The following ITGB8 variants were observed in gnomAD, a reference collection of about 807,000 sequenced individuals.
The protein encoded by ITGB8 is integrin subunit beta 8.
ITGB8 carries 30 observed loss-of-function variants against 89.5 expected under a neutral mutation model. The observed-to-expected ratio is 0.34, with a 90% CI of 0.25 to 0.45. The LOEUF is 0.45. Among genes scored for constraint, ITGB8 ranks in the 20% least tolerant of loss-of-function variants. ITGB8 has a pLI of 1.00. For synonymous variants in ITGB8, 335 were observed against 320.4 expected (o/e 1.05, Z -0.49); for missense variants, 836 against 933.3 (o/e 0.90, Z 1.36).
At chr7:20,346,863 G>A (rs1784943276) in intron 1 of ITGB8, 1 of 985,078 alleles carries the variant, frequency 1.0e-6, no homozygotes, top group African/African-American at 1.7e-5. Context: ...GGAGTTAATG[G>A]CAGGTAGATT....
chr7:20,348,370 C>G (rs1349797078), intron 1 of ITGB8, among the ~76,000 whole-genome samples: 1 of 152,188 alleles, frequency 6.6e-6, no homozygotes, highest in Non-Finnish European at 1.5e-5. Context: ...GGATGCATCA[C>G]CCCATTTGTG....
chr7:20,343,641 C>T lies in ITGB8; in HGVS notation c.127+11708C>T, dbSNP rs11983067. Reference sequence around the variant, plus strand: ...TACAATCTCAAAATTCCTTAAGAAGCGGAGTTTTCTGCTCTCCACTCCCAG... The same window carrying T: ...TACAATCTCAAAATTCCTTAAGAAGTGGAGTTTTCTGCTCTCCACTCCCAG... On this transcript the variant is annotated intron_variant, in intron 1 of 13. Coordinates refer to ENST00000222573, the MANE Select transcript of ITGB8 (RefSeq NM_002214.3). Among the ~76,000 whole-genome samples the T allele has an allele frequency of 4.2e-3, 639 of 152,274 alleles. 5 individuals are homozygous for T. The highest frequency in any genetic ancestry group is 0.014 in the African/African-American group (602 of 41,556).
intron 3 of ITGB8, among the ~76,000 whole-genome samples, chr7:20,371,768 G>A (rs565757546): frequency 5.9e-5 from 9 of 152,222 alleles, no homozygotes; most frequent in South Asian, 4.2e-4. Context: ...GTATATAACC[G>A]CATATTTATT....
intron 1 of ITGB8, among the ~76,000 whole-genome samples, chr7:20,348,521 T>C (rs1171688538): frequency 6.6e-6 from 1 of 152,264 alleles, no homozygotes; most frequent in African/African-American, 2.4e-5. Context: ...AACTGTTTTA[T>C]TGTTCCGTTA....
In ITGB8 at chr7:20,401,766, G is replaced by C; in HGVS notation, c.1327G>C (p.Gly443Arg). ...TACAATGAAAAAATGTGATGTCACAGGAGGAAAAAACTATGCAATAATCAA... is the reference window on the plus strand; with the variant it reads ...TACAATGAAAAAATGTGATGTCACACGAGGAAAAAACTATGCAATAATCAA... ...TVTMKKCDVT[G>R]GKNYAIIKPI... is the part of the protein sequence containing the mutation. The change falls in exon 10 of 14, where the codon GGA (glycine) becomes CGA (arginine). Residue 443 changes from glycine to arginine, a missense_variant. Physicochemically the swap from Gly to Arg is moderately radical, Grantham distance 125. This residue lies in a region of ITGB8 where 422 missense variants were observed against 416.9 expected (regional missense o/e 1.01). Coordinates refer to ENST00000222573, the MANE Select transcript of ITGB8 (RefSeq NM_002214.3). 1 of 1,589,672 alleles carries C rather than the reference G, an allele frequency of 6.3e-7. No homozygotes were observed. Among genetic ancestry groups the C allele is most frequent in the Non-Finnish European group, 8.5e-7 (1 of 1,172,674 alleles).
At chr7:20,383,028 C>T (rs1053944417) in intron 6 of ITGB8, among the ~76,000 whole-genome samples, 8 of 152,156 alleles carry the variant, frequency 5.3e-5, no homozygotes, top group African/African-American at 1.9e-4. Flanking sequence ...TATTTCCTGC[C>T]ACCCTTGGGA....
intron 1 of ITGB8, among the ~76,000 whole-genome samples, chr7:20,349,374 A>G (rs868353394): frequency 6.6e-6 from 1 of 151,662 alleles, no homozygotes. Context: ...ATTACTTTCA[A>G]TGGCCAAAAC....
chr7:20,341,842 A>G (rs1317478099), intron 1 of ITGB8, among the ~76,000 whole-genome samples: 4 of 151,996 alleles, frequency 2.6e-5, no homozygotes, highest in Non-Finnish European at 5.9e-5. Flanking sequence ...AAAGTCAGAC[A>G]TCAGGGCTTT....
intron 1 of ITGB8, chr7:20,352,743 A>G (rs1785153278): frequency 6.6e-6 from 1 of 152,188 alleles, no homozygotes; most frequent in South Asian, 2.1e-4. Flanking sequence ...TTCTCATTCA[A>G]CAACACCAGA....
At chr7:20,391,286 C>T in intron 6 of ITGB8, 117 bp from the exon 7 acceptor site, 7 of 462,704 alleles carry the variant, frequency 1.5e-5, no homozygotes, top group South Asian at 6.9e-5. Context: ...TCAGTAAAAC[C>T]ATAGTCCTTC....
In ITGB8 at chr7:20,332,951, T is replaced by C. The variant is rs938039595; in HGVS notation, c.127+1018T>C. On this transcript the variant is annotated intron_variant, in intron 1 of 13. Coordinates refer to ENST00000222573, the MANE Select transcript of ITGB8 (RefSeq NM_002214.3). ...TTTTTTTTTTTTTTTAATTTCACTT[T>C]TTCTCTGTTTGGTCACCAAGTCCTT... Among the ~76,000 whole-genome samples the C allele has an allele frequency of 3.7e-4, 56 of 151,966 alleles. 1 individual carries two copies. The highest frequency in any genetic ancestry group is 2.6e-4 in the Admixed American group (4 of 15,266).
rs374405070 is a variant in ITGB8 at position 20,380,778 on chromosome 7, A to C, written c.748A>C (p.Ile250Leu). The C allele has an allele frequency of 1.1e-5, 18 of 1,614,020 alleles. No individual in the cohort carries two copies. Among genetic ancestry groups the C allele is most frequent in the Non-Finnish European group, 1.5e-5 (18 of 1,179,846 alleles). ...AVHRQKISGN[I>L]DTPEGGFDAM... ...TCATAGACAGAAGATCTCTGGAAAC[A>C]TAGATACACCAGAAGGAGGTTTTGA... The change falls in exon 5 of 14, where the codon ATA becomes CTA. Residue 250 changes from isoleucine (I) to leucine (L), a missense_variant. Ile to Leu is a conservative substitution (Grantham distance 5). Transcript: ENST00000222573.
chr7:20,387,663 G>T (rs1786682168), intron 6 of ITGB8, among the ~76,000 whole-genome samples: 1 of 152,160 alleles, frequency 6.6e-6, no homozygotes, highest in South Asian at 2.1e-4. Context: ...CTGTTGTGTT[G>T]AGACCAGGGT....
intron 5 of ITGB8, 157 bp downstream of exon 5, chr7:20,380,988 A>G: frequency 1.6e-6 from 1 of 629,018 alleles, no homozygotes; most frequent in Admixed American, 3.0e-5. Context: ...TCATTTCGGT[A>G]TGTGTTTGGG....
At chr7:20,365,299 A>C (rs1387921193) in intron 2 of ITGB8, 1 of 152,274 alleles carries the variant, frequency 6.6e-6, no homozygotes, top group African/African-American at 2.4e-5. Flanking sequence ...CTTAGGGAAA[A>C]CGGTCAGAAA....
intron 6 of ITGB8, among the ~76,000 whole-genome samples, chr7:20,387,043 A>G (rs1306671952): frequency 5.3e-5 from 8 of 152,216 alleles, no homozygotes; most frequent in Non-Finnish European, 1.2e-4. Context: ...CAAGGAAAGC[A>G]CATCCAAGAG....
At chr7:20,355,164 C>T (rs1363063219) in intron 1 of ITGB8, among the ~76,000 whole-genome samples, 1 of 152,208 alleles carries the variant, frequency 6.6e-6, no homozygotes, top group East Asian at 1.9e-4. Context: ...AACCCCACTC[C>T]TCCCCGTACC....
chr7:20,359,847 C>T lies in ITGB8; in HGVS notation c.128-3790C>T, dbSNP rs564315122. 3.9e-5 allele frequency among the ~76,000 whole-genome samples: 6 copies of T among 152,288 alleles called. No individual in the cohort carries two copies. The South Asian group carries it at 1.0e-3, about 26-fold the overall frequency. ...AATTAGAAAGAAAATTCTTAAAATG[C>T]TGCATGCCAAAGTGTATCTGGCATG... On this transcript the variant is annotated intron_variant, in intron 1 of 13. Transcript: ENST00000222573.
chr7:20,404,789 C>G lies in ITGB8; in HGVS notation c.1849C>G (p.Pro617Ala). 1 of 1,614,180 alleles carries G rather than the reference C, an allele frequency of 6.2e-7. No individual in the cohort carries two copies. The highest frequency in any genetic ancestry group is 8.5e-7 in the Non-Finnish European group (1 of 1,180,030). ...GTGTGGAAGGTGTGAGTGCACCGAT[C>G]CCAGGAGCATCGGCCGCTTCTGTGA... ...CVCGRCECTD[P>A]RSIGRFCEHC... The change falls in exon 11 of 14, where the codon CCC becomes GCC. Residue 617 changes from proline (P) to alanine (A), a missense_variant. Around this residue, in one of 5 missense-constraint regions of ITGB8, gnomAD observed 422 missense variants for 416.9 expected, o/e 1.01. Coordinates refer to ENST00000222573, the MANE Select transcript of ITGB8 (RefSeq NM_002214.3).
Sources: allele counts gnomAD v4.1 joint callset (sites outside exome capture counted in the v4.1 genomes callset), GRCh38; gene constraint gnomAD v4.1.1; regional missense constraint gnomAD v4.1.1; transcripts MANE v1.5; gene names NCBI Gene and HGNC (gene_info 2026-07-23, HGNC 2026-07-21).